Variants in ST8SIA1 observed in about 807,000 individuals in gnomAD.
ST8SIA1 encodes the protein alpha-N-acetylneuraminide alpha-2,8-sialyltransferase.
Under a neutral mutation model 35.9 loss-of-function variants are expected in ST8SIA1, and 16 were observed. The ratio of observed to expected loss-of-function variants is 0.45; its 90% CI spans 0.30 to 0.68. ST8SIA1 has a LOEUF of 0.68. Among genes scored for constraint, ST8SIA1 ranks in the 30% least tolerant of loss-of-function variants. ST8SIA1 has a pLI of 0.09. For missense variants in ST8SIA1, 383 were observed against 453.6 expected, an observed-to-expected ratio of 0.84 and a Z score of 1.41; for synonymous variants, 170 against 169.6, an observed-to-expected ratio of 1.00 and a Z score of -0.02.
intron 4 of ST8SIA1, among the ~76,000 whole-genome samples, chr12:22,215,719 A>G (rs1379816816): frequency 1.3e-5 from 2 of 152,174 alleles, no homozygotes; most frequent in African/African-American, 4.8e-5. Context: ...CTAAAAACAT[A>G]TATTCTTCCC....
intron 1 of ST8SIA1, among the ~76,000 whole-genome samples, chr12:22,321,136 C>G (rs1413488047): frequency 6.6e-6 from 1 of 152,156 alleles, no homozygotes; most frequent in East Asian, 1.9e-4. Context: ...AGGCACTGCA[C>G]TCCTGGATGT....
intron 4 of ST8SIA1, among the ~76,000 whole-genome samples, chr12:22,208,507 TACA>T (rs776832463): frequency 6.6e-4 from 100 of 152,176 alleles, no homozygotes; most frequent in Middle Eastern, 6.8e-3. Flanking sequence ...TAAAAATAAA[TACA>T]ACATTTTTAT....
chr12:22,262,164 A>C (rs1865800387), intron 2 of ST8SIA1, among the ~76,000 whole-genome samples: 1 of 152,212 alleles, frequency 6.6e-6, no homozygotes, highest in Non-Finnish European at 1.5e-5. Flanking sequence ...TATAGCATGC[A>C]TGAGAGTGAA....
intron 2 of ST8SIA1, among the ~76,000 whole-genome samples, chr12:22,271,669 T>TA (rs1865913219): frequency 6.6e-6 from 1 of 152,188 alleles, no homozygotes; most frequent in South Asian, 2.1e-4. Flanking sequence ...TATGACCTAT[T>TA]AATAGCTGTA....
intron 1 of ST8SIA1, among the ~76,000 whole-genome samples, chr12:22,299,685 A>C (rs117429956): frequency 0.015 from 2,359 of 152,290 alleles, 104 homozygotes; most frequent in South Asian, 0.14. Context: ...TAGAACAATA[A>C]AATTTTCTTA....
chr12:22,265,586 A>C (rs1342472511), intron 2 of ST8SIA1, among the ~76,000 whole-genome samples: 1 of 152,174 alleles, frequency 6.6e-6, no homozygotes, highest in Non-Finnish European at 1.5e-5. Context: ...GAATTAAATG[A>C]CTTATGTCTG....
chr12:22,249,178 TATTA>T, intron 3 of ST8SIA1, 80 bp from the exon 4 acceptor site: 1 of 947,490 alleles, frequency 1.1e-6, no homozygotes, highest in South Asian at 1.5e-5. Flanking sequence ...ATAGAAATGT[TATTA>T]ATTCTAGCTG....
rs180893158 is a variant in ST8SIA1, at chr12:22,316,793, G to A, written c.236+17204C>T. On this transcript the variant is annotated intron_variant, in intron 1 of 4. Coordinates refer to ENST00000396037, the MANE Select transcript of ST8SIA1 (RefSeq NM_003034.4). The stretch of plus-strand genomic sequence containing the variant: ...AAGATGAACCACCCAAGAAGAAAGT[G>A]GCTAAGACACATGAATGTGCCCCTC... Among the ~76,000 whole-genome samples the A allele has an allele frequency of 3.9e-5, 6 of 152,238 alleles. No individual in the cohort carries two copies. In the East Asian group the frequency reaches 1.2e-3, roughly 29 times the overall value.
intron 2 of ST8SIA1, among the ~76,000 whole-genome samples, chr12:22,280,876 A>G (rs1264874691): frequency 6.6e-6 from 1 of 152,220 alleles, no homozygotes; most frequent in Non-Finnish European, 1.5e-5. Context: ...TCAGATCACA[A>G]TCTTAATTCA....
At chr12:22,318,432 G>C (rs2135838386) in intron 1 of ST8SIA1, among the ~76,000 whole-genome samples, 1 of 152,346 alleles carries the variant, frequency 6.6e-6, no homozygotes, top group South Asian at 2.1e-4. Flanking sequence ...ACAGATAAAA[G>C]GGGGAATTAA....
chr12:22,265,661 A>T (rs1176474798), intron 2 of ST8SIA1, among the ~76,000 whole-genome samples: 1 of 152,150 alleles, frequency 6.6e-6, no homozygotes, highest in Non-Finnish European at 1.5e-5. Flanking sequence ...TCTCAGCAAC[A>T]CAGCCTAGAA....
In ST8SIA1 at chr12:22,303,523, G is replaced by A. The variant is rs558942550; in HGVS notation, c.237-16230C>T. ...CCATTCCTAGGTAAGTAACTGAATC[G>A]GGGTTTGTTTTTGGCTAAAGTTAAG... is the stretch of plus-strand genomic sequence containing the variant. On this transcript the variant is annotated intron_variant, in intron 1 of 4. Transcript: ENST00000396037. Among the ~76,000 whole-genome samples the A allele has an allele frequency of 1.4e-4, 22 of 152,140 alleles. No homozygotes were observed. The Middle Eastern group carries it at 0.014, about 94-fold the overall frequency.
intron 4 of ST8SIA1, among the ~76,000 whole-genome samples, chr12:22,213,379 A>T (rs1191311511): frequency 6.6e-6 from 1 of 152,216 alleles, no homozygotes; most frequent in East Asian, 1.9e-4. Flanking sequence ...TATAACAATA[A>T]TAAAATATGA....
intron 3 of ST8SIA1, among the ~76,000 whole-genome samples, chr12:22,252,718 TA>T (rs150316084): frequency 0.02 from 3,018 of 152,230 alleles, 112 homozygotes; most frequent in African/African-American, 0.069. Flanking sequence ...CATATAAGGC[TA>T]AAAAAGTCTT....
chr12:22,201,386 C>A lies in ST8SIA1; in HGVS notation c.*166G>T, dbSNP rs1865046452. On this transcript the variant is annotated 3_prime_UTR_variant, in exon 5 of 5. Coordinates refer to ENST00000396037, the MANE Select transcript of ST8SIA1 (RefSeq NM_003034.4). ...GGATGTTTCATTTCTTATTTGTCCT[C>A]CAAGCCAACGCTGAAAGTAAAGTTT... 3.2e-6 allele frequency: 3 copies of A among 923,986 alleles called. No homozygotes were observed. Among genetic ancestry groups the A allele is most frequent in the African/African-American group, 3.3e-5 (2 of 60,372 alleles). 57.2% of individuals were successfully genotyped at this position (923,986 alleles called of 1,614,324 possible). A position where few individuals can be genotyped will look rare whatever the true frequency, so the allele number is the denominator to read the frequency against.
intron 4 of ST8SIA1, among the ~76,000 whole-genome samples, chr12:22,227,843 A>G (rs1865375847): frequency 6.6e-6 from 1 of 152,162 alleles, no homozygotes; most frequent in Admixed American, 6.5e-5. Flanking sequence ...ATGTCTAGCA[A>G]ACAATCATCT....
At chr12:22,332,354 C>T (rs1448535213) in intron 1 of ST8SIA1, among the ~76,000 whole-genome samples, 1 of 152,168 alleles carries the variant, frequency 6.6e-6, no homozygotes, top group East Asian at 1.9e-4. Context: ...TTCCACTTGA[C>T]TGTATCCTCC....
At chr12:22,312,762 T>C (rs1866468024) in intron 1 of ST8SIA1, among the ~76,000 whole-genome samples, 1 of 151,204 alleles carries the variant, frequency 6.6e-6, no homozygotes, top group Non-Finnish European at 1.5e-5. Context: ...GGTATTTAAA[T>C]TCCTAAAAGC....
At chr12:22,228,253 TCA>T (rs1318518820) in intron 4 of ST8SIA1, among the ~76,000 whole-genome samples, 4 of 152,196 alleles carry the variant, frequency 2.6e-5, no homozygotes, top group Admixed American at 2.0e-4. Flanking sequence ...TGGGATTGAG[TCA>T]CAGTCTTTTC....
Sources: allele counts gnomAD v4.1 joint callset (sites outside exome capture counted in the v4.1 genomes callset), GRCh38; gene constraint gnomAD v4.1.1; transcripts MANE v1.5; gene names NCBI Gene and HGNC (gene_info 2026-07-23, HGNC 2026-07-21).